DOCK11: variants seen among roughly 807,000 people sequenced by gnomAD.
DOCK11 encodes dedicator of cytokinesis protein 11.
A neutral mutation model predicts 169.1 loss-of-function variants in DOCK11; 70 were observed. That is an observed-to-expected ratio of 0.41 (90% CI 0.34 to 0.51). DOCK11 has a LOEUF of 0.51. Ranked by LOEUF, DOCK11 falls within the 20% of genes least tolerant of loss-of-function variation. The probability of loss-of-function intolerance (pLI) is 0.10; values close to 1 mark genes in which losing one functional copy is unlikely to be tolerated. For missense variants in DOCK11, 1,166 were observed against 1,538.8 expected (o/e 0.76, Z 4.05); for synonymous variants, 529 against 541.3 (o/e 0.98, Z 0.32).
intron 4 of DOCK11, among the ~76,000 whole-genome samples, chrX:118,543,874 C>T (rs5957023): frequency 0.024 from 2,660 of 111,500 alleles, 92 homozygotes; most frequent in African/African-American, 0.082. Context: ...GTTGTAAACC[C>T]GGGAGGCGGA....
chrX:118,616,965 T>C (rs907541954), intron 30 of DOCK11, among the ~76,000 whole-genome samples: 8 of 111,905 alleles, frequency 7.1e-5, no homozygotes, highest in Non-Finnish European at 1.5e-4. Context: ...TCACCCAATA[T>C]TTATTTATAA....
At chrX:118,552,631 C>T (rs370665618) in intron 6 of DOCK11, among the ~76,000 whole-genome samples, 3 of 112,292 alleles carry the variant, frequency 2.7e-5, no homozygotes, top group African/African-American at 6.5e-5. Flanking sequence ...AGGAAAGCTG[C>T]GAATAATGTG....
intron 40 of DOCK11, among the ~76,000 whole-genome samples, chrX:118,644,835 G>GT (rs1274732333): frequency 8.9e-6 from 1 of 111,782 alleles, no homozygotes; most frequent in East Asian, 2.8e-4. Flanking sequence ...TTTAAGCAGG[G>GT]AAGTAACACA....
chrX:118,674,756 A>G (rs1170589288), intron 46 of DOCK11, among the ~76,000 whole-genome samples: 2 of 112,302 alleles, frequency 1.8e-5, no homozygotes, highest in Non-Finnish European at 3.8e-5. Flanking sequence ...TGTTTTCCAC[A>G]GTGGCTGTAC....
At chrX:118,579,980 A>G (rs1021404418) in intron 13 of DOCK11, 117 bp from the exon 14 acceptor site, 22 of 524,884 alleles carry the variant, frequency 4.2e-5, no homozygotes, top group Non-Finnish European at 4.4e-5. Context: ...GGCTATTTCT[A>G]TATATTTTTT....
rs60932296 is a variant in DOCK11 at position 118,531,412 on chromosome X, C to CAAAAAAAAAAAA, written c.103-11285_103-11274dup. Among the ~76,000 whole-genome samples, 6 of 29,205 alleles carry CAAAAAAAAAAAA rather than the reference C, an allele frequency of 2.1e-4. 1 individual carries two copies. Among genetic ancestry groups the CAAAAAAAAAAAA allele is most frequent in the African/African-American group, 3.7e-4 (3 of 8,150 alleles). 25.4% of individuals were successfully genotyped at this position (29,205 alleles called of 115,157 possible). A position where few individuals can be genotyped will look rare whatever the true frequency, so the allele number is the denominator to read the frequency against. ...TCGGGGCTGCAGTGAGCCATATACTCAAAAAAAAAAAAAAAAAAAAAAAAA... is the reference window on the plus strand; with the variant it reads ...TCGGGGCTGCAGTGAGCCATATACTCAAAAAAAAAAAAAAAAAAAAAAAAAAAAAAAAAAAAA... On this transcript the variant is annotated intron_variant, in intron 1 of 52. Coordinates refer to ENST00000276202, the MANE Select transcript of DOCK11 (RefSeq NM_144658.4).
At chrX:118,672,867 A>G (rs888576014) in intron 46 of DOCK11, among the ~76,000 whole-genome samples, 1 of 112,286 alleles carries the variant, frequency 8.9e-6, no homozygotes, top group Non-Finnish European at 1.9e-5. Context: ...GATCAAATTC[A>G]CTTTTTCTTC....
rs755249125 is a variant in DOCK11, at chrX:118,556,851, C to T, written c.559-4532C>T. ...GATCCTATAGAATCAAATCCTTTGG[C>T]TTGCTCTCTGTTTTATTGTTGTGGG... On this transcript the variant is annotated intron_variant, in intron 6 of 52. Coordinates refer to ENST00000276202, the MANE Select transcript of DOCK11 (RefSeq NM_144658.4). Among the ~76,000 whole-genome samples the T allele has an allele frequency of 2.7e-5, 3 of 110,199 alleles. No homozygotes were observed. The Admixed American group carries it at 2.9e-4, about 11-fold the overall frequency.
At chrX:118,519,866 C>T (rs1358320735) in intron 1 of DOCK11, among the ~76,000 whole-genome samples, 2 of 111,465 alleles carry the variant, frequency 1.8e-5, no homozygotes, top group Non-Finnish European at 3.8e-5. Context: ...GGTGGGATTT[C>T]AGTTTTTGTA....
intron 42 of DOCK11, 148 bp downstream of exon 42, chrX:118,652,225 C>A (rs1569442278): frequency 5.0e-6 from 2 of 396,436 alleles, no homozygotes. Context: ...TCTTATACAT[C>A]ACTATATCTC....
Position 118,543,543 on chromosome X carries a change from G to A in DOCK11, c.342G>A (p.Val114=). ...CIKTYSTDWH[V]VNYKYEDFSG... is the part of the protein sequence containing the mutation. ...AAACCTATAGCACAGATTGGCACGT[G>A]GTAAACTACAAGTATGAGGACTTCT... The change falls in exon 4 of 53, where the codon GTG becomes GTA. Residue 114 remains valine, a synonymous_variant. Transcript: ENST00000276202. 1 of 1,209,645 alleles carries A rather than the reference G, an allele frequency of 8.3e-7. No homozygotes were observed. The highest frequency in any genetic ancestry group is 1.1e-6 in the Non-Finnish European group (1 of 893,500).
intron 52 of DOCK11, among the ~76,000 whole-genome samples, chrX:118,684,924 T>G (rs2016824960): frequency 8.9e-6 from 1 of 111,936 alleles, no homozygotes. Context: ...CACAACTAAC[T>G]TGAGAACCAA....
intron 40 of DOCK11, among the ~76,000 whole-genome samples, chrX:118,646,118 G>T (rs969518530): frequency 9.3e-6 from 1 of 107,365 alleles, no homozygotes; most frequent in Non-Finnish European, 1.9e-5. Flanking sequence ...CTGAATTATT[G>T]AAAAGGGGCC....
intron 1 of DOCK11, among the ~76,000 whole-genome samples, chrX:118,498,887 G>A (rs928405451): frequency 2.7e-5 from 3 of 111,321 alleles, no homozygotes; most frequent in East Asian, 2.8e-4. Context: ...ATGTTGTTGC[G>A]TATTCAAACT....
chrX:118,666,313 T>C (rs2016338281), intron 45 of DOCK11, among the ~76,000 whole-genome samples: 1 of 111,953 alleles, frequency 8.9e-6, no homozygotes, highest in African/African-American at 3.2e-5. Context: ...AACAATTTGA[T>C]GAATTTTGAC....
At chrX:118,672,841 C>T (rs2016519084) in intron 46 of DOCK11, among the ~76,000 whole-genome samples, 1 of 112,531 alleles carries the variant, frequency 8.9e-6, no homozygotes, top group South Asian at 3.6e-4. Context: ...TTTCATCTCT[C>T]CTCCAAACTA....
At chrX:118,534,936 G>T (rs1420502903) in intron 1 of DOCK11, among the ~76,000 whole-genome samples, 2 of 111,029 alleles carry the variant, frequency 1.8e-5, no homozygotes, top group East Asian at 5.7e-4. Context: ...CCAAGTAAAA[G>T]ACCTAAGGTG....
intron 41 of DOCK11, among the ~76,000 whole-genome samples, chrX:118,651,567 G>T (rs1421981084): frequency 8.9e-6 from 1 of 112,334 alleles, no homozygotes; most frequent in East Asian, 2.8e-4. Flanking sequence ...AAATAGACTA[G>T]TGAAAAGGAA....
chrX:118,632,050 G>A (rs1426049007), intron 35 of DOCK11, among the ~76,000 whole-genome samples: 1 of 111,397 alleles, frequency 9.0e-6, no homozygotes, highest in Non-Finnish European at 1.9e-5. Context: ...CACCTCCCAG[G>A]TTCAAGTGAT....
Sources: allele counts gnomAD v4.1 joint callset (sites outside exome capture counted in the v4.1 genomes callset), GRCh38; gene constraint gnomAD v4.1.1; transcripts MANE v1.5; gene names NCBI Gene and HGNC (gene_info 2026-07-23, HGNC 2026-07-21).